Variants in FRMD8 observed in about 807,000 individuals in gnomAD.
The protein encoded by FRMD8 is FERM domain-containing protein 8.
A neutral mutation model predicts 54.2 loss-of-function variants in FRMD8; 37 were observed. The ratio of observed to expected loss-of-function variants is 0.68; its 90% CI spans 0.53 to 0.90. The LOEUF is 0.90. Among genes scored for constraint, FRMD8 ranks in the 40% least tolerant of loss-of-function variants. The pLI is 0.00. For synonymous variants in FRMD8, 246 were observed against 286.9 expected, an observed-to-expected ratio of 0.86 and a Z score of 1.44; for missense variants, 585 against 653.7, an observed-to-expected ratio of 0.89 and a Z score of 1.15.
Position 65,389,518 on chromosome 11 carries a change from C to T in FRMD8, c.243C>T (p.Ser81=). ...ALDVFALWLV[S]PLLEVQLKPK... is the part of the protein sequence containing the mutation. ...ATGTCTTCGCGCTCTGGCTGGTCTC[C>T]CCTCTGCTGGGTAAGGCTTGGCAGT... Residue 81 remains serine (S), a synonymous_variant, in exon 3 of 11, where the codon TCC becomes TCT. Transcript: ENST00000317568. 1 of 1,586,816 alleles carries T rather than the reference C, an allele frequency of 6.3e-7. No individual in the cohort carries two copies.
rs770054603 is a variant in FRMD8 at position 65,394,069 on chromosome 11, C to T, written c.384C>T (p.Asn128=). Residue 128 remains asparagine (N), a synonymous_variant, in exon 5 of 11, where the codon AAC becomes AAT. Transcript: ENST00000317568. ...MDEPFLQFRR[N]VFFPKRRELQ... The stretch of plus-strand genomic sequence containing the variant: ...AGCCTTTCCTGCAGTTCCGAAGGAA[C>T]GTGTTCTTCCCAAAGCGGCGGGAGC... 3.7e-6 allele frequency: 6 copies of T among 1,614,174 alleles called. No homozygotes were observed. The highest frequency in any genetic ancestry group is 3.3e-5 in the Admixed American group (2 of 60,026).
chr11:65,401,009 G>C, intron 9 of FRMD8, 142 bp downstream of exon 9: 1 of 958,104 alleles, frequency 1.0e-6, no homozygotes. Context: ...TGGGCACAAG[G>C]GGTGCCTTGA....
rs773638197 is a variant in FRMD8, at chr11:65,393,664, C to T, written c.345C>T (p.Asp115=). Residue 115 remains aspartate (D), a synonymous_variant, in exon 4 of 11, where the codon GAC becomes GAT. Coordinates refer to ENST00000317568, the MANE Select transcript of FRMD8 (RefSeq NM_031904.5). ...LLRFTSAPDD[D]VAMDEPFLQF... Reference sequence around the variant, plus strand: ...GCTTCACCAGTGCCCCAGACGATGACGTGGCCATGGGTCAGTGCTGCTGCC... The same window carrying T: ...GCTTCACCAGTGCCCCAGACGATGATGTGGCCATGGGTCAGTGCTGCTGCC... 1.9e-5 allele frequency: 30 copies of T among 1,604,668 alleles called. No individual in the cohort carries two copies. Among genetic ancestry groups the T allele is most frequent in the Non-Finnish European group, 2.3e-5 (27 of 1,179,142 alleles).
chr11:65,399,278 C>A (rs1398114459), intron 7 of FRMD8, among the ~76,000 whole-genome samples: 1 of 152,084 alleles, frequency 6.6e-6, no homozygotes, highest in African/African-American at 2.4e-5. Context: ...AGATCACAGG[C>A]ATGAGCCACC....
chr11:65,391,598 C>T (rs960628425), intron 3 of FRMD8, among the ~76,000 whole-genome samples: 9 of 152,192 alleles, frequency 5.9e-5, no homozygotes, highest in African/African-American at 2.2e-4. Flanking sequence ...GCAACCTCCG[C>T]CTCCTGGGTT....
rs576637299 is a variant in FRMD8 at position 65,394,934 on chromosome 11, T to C, written c.581+509T>C. Among the ~76,000 whole-genome samples the C allele has an allele frequency of 3.3e-5, 5 of 152,294 alleles. No homozygotes were observed. In the South Asian group the frequency reaches 1.0e-3, roughly 32 times the overall value. On this transcript the variant is annotated intron_variant, in intron 6 of 10. Transcript: ENST00000317568. ...GGTCTCTGGTCTCCATGGAGGATTA[T>C]CCCGAGGTTTAGAAATAATTCCAGT...
chr11:65,368,758 T>A, the FRMD8 span, among the ~76,000 whole-genome samples: 1 of 151,724 alleles, frequency 6.6e-6, no homozygotes, highest in African/African-American at 2.4e-5. Flanking sequence ...AGAGACAGGG[T>A]TTCACCATGT....
intron 7 of FRMD8, among the ~76,000 whole-genome samples, chr11:65,397,448 G>C (rs1457292132): frequency 6.6e-6 from 1 of 152,244 alleles, no homozygotes; most frequent in African/African-American, 2.4e-5. Context: ...CACAGAGGTT[G>C]AGGAGAGCCT....
chr11:65,394,916 G>C (rs1855917809), intron 6 of FRMD8, among the ~76,000 whole-genome samples: 1 of 152,242 alleles, frequency 6.6e-6, no homozygotes. Flanking sequence ...GCCGGTCTCT[G>C]GTCTCCATGG....
chr11:65,395,570 A>G (rs1036829666), intron 6 of FRMD8, among the ~76,000 whole-genome samples: 3 of 152,120 alleles, frequency 2.0e-5, no homozygotes, highest in African/African-American at 7.2e-5. Context: ...GAGCGCTCCA[A>G]CTGCAGCTTA....
At chr11:65,379,749 T>C in the FRMD8 span, 1 of 1,402,304 alleles carries the variant, frequency 7.1e-7, no homozygotes, top group Non-Finnish European at 9.9e-7. Context: ...CCCCCAAGGA[T>C]CCCAGACTTG....
Position 65,399,789 on chromosome 11 carries a change from GGGGT to G in FRMD8, c.861_864del (p.Gly288AlafsTer72). On this transcript the variant is annotated frameshift_variant, in exon 8 of 11. Transcript: ENST00000317568. LOFTEE classifies it high-confidence loss of function. ...AAGCCGGCCCAAGGCTTTTTGCACC[GGGGT>G]GGGCGCAAGCCAGTTTCTGTGGCCA... 6.2e-7 allele frequency: 1 copy of G among 1,614,044 alleles called. No homozygotes were observed. Among genetic ancestry groups the G allele is most frequent in the East Asian group, 2.2e-5 (1 of 44,882 alleles).
Position 65,393,964 on chromosome 11 carries a change from A to G in FRMD8, c.356-77A>G, listed in dbSNP as rs1159347131. 5.3e-6 allele frequency: 8 copies of G among 1,504,162 alleles called. No individual in the cohort carries two copies. In the East Asian group the frequency reaches 1.4e-4, roughly 26 times the overall value. 93.2% of individuals were successfully genotyped at this position (1,504,162 alleles called of 1,614,324 possible). ...GCCCTGGTGGGTGAGGTTGGTGGCCAGGGCCTGGGCCAATCGGGAGAGGGG... is the reference window on the plus strand; with the variant it reads ...GCCCTGGTGGGTGAGGTTGGTGGCCGGGGCCTGGGCCAATCGGGAGAGGGG... On this transcript the variant is annotated intron_variant, in intron 4 of 10. Transcript: ENST00000317568.
At chr11:65,380,554 T>C in the FRMD8 span, 5 of 1,333,658 alleles carry the variant, frequency 3.7e-6, no homozygotes, top group African/African-American at 1.5e-5. Flanking sequence ...GCTTTACTCT[T>C]CTTTCTTCAA....
rs373670403 is a variant in FRMD8 at position 65,399,733 on chromosome 11, C to G, written c.804-3C>G. 8.1e-6 allele frequency: 13 copies of G among 1,613,842 alleles called. No homozygotes were observed. The highest frequency in any genetic ancestry group is 1.6e-4 in the Middle Eastern group (1 of 6,074). On this transcript the variant is annotated splice_polypyrimidine_tract_variant and splice_region_variant and intron_variant, in intron 7 of 10. Transcript: ENST00000317568. Reference sequence around the variant, plus strand: ...CGGAGGCTGACCCCAGTCCCCTCCCCAGGTGTGCCTTCTTCCACGGTGAGG... The same window carrying G: ...CGGAGGCTGACCCCAGTCCCCTCCCGAGGTGTGCCTTCTTCCACGGTGAGG...
At chr11:65,403,243 C>T (rs113745765) in intron 9 of FRMD8, among the ~76,000 whole-genome samples, 174 of 152,036 alleles carry the variant, frequency 1.1e-3, no homozygotes, top group African/African-American at 4.1e-3. Context: ...AGTGCAATGG[C>T]GCGATTTCAG....
the FRMD8 span, chr11:65,368,093 TGAGAC>T: frequency 7.1e-6 from 1 of 141,220 alleles, no homozygotes. Context: ...TTTTTTTTTT[TGAGAC>T]GGAGTCTCAC....
rs374997562 is a variant in FRMD8 at position 65,396,802 on chromosome 11, G to A, written c.585G>A (p.Glu195=). Residue 195 remains glutamate, a synonymous_variant, in exon 7 of 11, where the codon GAG becomes GAA. Transcript: ENST00000317568. ...ACCTGTCTTCCTTCCTCCACAGGGA[G>A]AAGCTGGACTCCTTCCTCCCTGCCC... The part of the protein sequence containing the change: ...PGRPAACDLR[E]KLDSFLPAHL... 6.5e-6 allele frequency: 10 copies of A among 1,530,408 alleles called. No individual in the cohort carries two copies. The highest frequency in any genetic ancestry group is 1.4e-5 in the African/African-American group (1 of 71,282). 94.8% of individuals were successfully genotyped at this position (1,530,408 alleles called of 1,614,324 possible).
chr11:65,384,926 GTCTTGAAC>G, upstream of FRMD8, among the ~76,000 whole-genome samples: 1 of 152,164 alleles, frequency 6.6e-6, no homozygotes, highest in East Asian at 1.9e-4. Flanking sequence ...CCCCAGGCTG[GTCTTGAAC>G]TCCTGGCCTC....
Sources: allele counts gnomAD v4.1 joint callset (sites outside exome capture counted in the v4.1 genomes callset), GRCh38; gene constraint gnomAD v4.1.1; transcripts MANE v1.5; gene names NCBI Gene and HGNC (gene_info 2026-07-23, HGNC 2026-07-21).